TXNL1: variants seen among roughly 807,000 people sequenced by gnomAD.
TXNL1 encodes the protein thioredoxin like 1.
Under a neutral mutation model 35.5 loss-of-function variants are expected in TXNL1, and 14 were observed. The observed-to-expected ratio is 0.39, with a 90% confidence interval of 0.26 to 0.62. The LOEUF (loss-of-function observed/expected upper bound fraction) is 0.62, where lower values mean the gene tolerates loss of function less well. Among genes scored for constraint, TXNL1 ranks in the 20% least tolerant of loss-of-function variants. The probability of loss-of-function intolerance (pLI) is 0.47; values close to 1 mark genes in which losing one functional copy is unlikely to be tolerated. For synonymous variants in TXNL1, 110 were observed against 115.5 expected (o/e 0.95, Z 0.31); for missense variants, 263 against 349.7 (o/e 0.75, Z 1.98).
chr18:56,624,251 T>C (rs557796839), intron 3 of TXNL1, 37 bp downstream of exon 3: 4 of 1,590,642 alleles, frequency 2.5e-6, no homozygotes, highest in African/African-American at 1.3e-5. Context: ...ATGTACAAGA[T>C]ATTATACATT....
chr18:56,604,124 G>T (rs1241435107), intron 7 of TXNL1, among the ~76,000 whole-genome samples: 1 of 152,064 alleles, frequency 6.6e-6, no homozygotes, highest in Non-Finnish European at 1.5e-5. Flanking sequence ...TACCTTAAAA[G>T]AACTCCCCTT....
intron 7 of TXNL1, chr18:56,610,572 A>T (rs1218556802): frequency 6.5e-6 from 1 of 152,696 alleles, no homozygotes; most frequent in Non-Finnish European, 1.5e-5. Context: ...AACTCAGTCC[A>T]TTTTTTTTAA....
intron 2 of TXNL1, among the ~76,000 whole-genome samples, chr18:56,625,844 A>G (rs1256536291): frequency 6.6e-6 from 1 of 152,160 alleles, no homozygotes; most frequent in Non-Finnish European, 1.5e-5. Context: ...ACATTTCTGC[A>G]TATACAAATA....
intron 3 of TXNL1, among the ~76,000 whole-genome samples, chr18:56,621,920 C>T (rs1298182204): frequency 6.7e-6 from 1 of 149,328 alleles, no homozygotes; most frequent in Non-Finnish European, 1.5e-5. Flanking sequence ...CTGCTTCAAA[C>T]GAGCGGCAGG....
At chr18:56,633,303 C>A (rs957283411) in intron 1 of TXNL1, among the ~76,000 whole-genome samples, 1 of 151,488 alleles carries the variant, frequency 6.6e-6, no homozygotes, top group African/African-American at 2.4e-5. Flanking sequence ...AAAAATTAGC[C>A]GGGCGTGGTG....
At chr18:56,612,121 C>A (rs1175417690) in intron 6 of TXNL1, among the ~76,000 whole-genome samples, 1 of 151,142 alleles carries the variant, frequency 6.6e-6, no homozygotes, top group Non-Finnish European at 1.5e-5. Context: ...CCTGCCTCAG[C>A]CTCCCAAAGT....
Position 56,614,492 on chromosome 18 carries a change from CCT to C in TXNL1, c.665_666del (p.Glu222GlyfsTer2), listed in dbSNP as rs761262822. On this transcript the variant is annotated frameshift_variant, in exon 6 of 8. Transcript: ENST00000217515. LOFTEE classifies it high-confidence loss of function. ...ACAATGCCATCTTCTTTAATATCAT[CCT>C]CTGTCAGTTCCAGAGCTTGAGTTGG... The part of the protein sequence containing the change: ...SEPTQALELT[E>X]DDIKEDGIVP... The C allele has an allele frequency of 6.2e-7, 1 of 1,613,956 alleles. No individual in the cohort carries two copies. The highest frequency in any genetic ancestry group is 8.5e-7 in the Non-Finnish European group (1 of 1,179,936).
chr18:56,603,174 G>A, intron 7 of TXNL1, 118 bp from the exon 8 acceptor site: 1 of 884,676 alleles, frequency 1.1e-6, no homozygotes, highest in Non-Finnish European at 1.7e-6. Context: ...GATCTTTTCT[G>A]GCATGCAATG....
intron 1 of TXNL1, among the ~76,000 whole-genome samples, chr18:56,637,431 C>T (rs1336542368): frequency 3.3e-5 from 5 of 152,146 alleles, no homozygotes; most frequent in South Asian, 2.1e-4. Flanking sequence ...TAAATACTAT[C>T]GACATACACA....
intron 3 of TXNL1, among the ~76,000 whole-genome samples, chr18:56,622,010 C>CA (rs373833617): frequency 0.13 from 9,503 of 72,754 alleles, 446 homozygotes; most frequent in African/African-American, 0.17. Context: ...AACTCCATCT[C>CA]AAAAAAAAAA....
chr18:56,628,188 C>A (rs2024316899), intron 1 of TXNL1, among the ~76,000 whole-genome samples: 1 of 152,036 alleles, frequency 6.6e-6, no homozygotes, highest in Admixed American at 6.6e-5. Flanking sequence ...AGATTAAAAC[C>A]AACTCAGCAA....
chr18:56,632,632 CCAGA>C (rs1160514909), intron 1 of TXNL1, among the ~76,000 whole-genome samples: 1 of 152,150 alleles, frequency 6.6e-6, no homozygotes, highest in East Asian at 1.9e-4. Context: ...TGAAAGGTAG[CCAGA>C]CAAACTACAT....
intron 3 of TXNL1, among the ~76,000 whole-genome samples, chr18:56,623,708 T>C (rs1185478290): frequency 6.6e-6 from 1 of 152,176 alleles, no homozygotes; most frequent in East Asian, 1.9e-4. Flanking sequence ...CTTAAGTCTT[T>C]ATGTTGTTAT....
At chr18:56,621,404 G>A (rs2024182183) in intron 3 of TXNL1, among the ~76,000 whole-genome samples, 1 of 151,900 alleles carries the variant, frequency 6.6e-6, no homozygotes, top group Admixed American at 6.5e-5. Flanking sequence ...ATGTTGGCCA[G>A]GCTGGTCTTG....
At chr18:56,629,315 T>C (rs1441376512) in intron 1 of TXNL1, among the ~76,000 whole-genome samples, 1 of 151,974 alleles carries the variant, frequency 6.6e-6, no homozygotes, top group Non-Finnish European at 1.5e-5. Context: ...ATCACTTGAG[T>C]CCAGGAGTTC....
chr18:56,637,373 C>T (rs2024472211), intron 1 of TXNL1, among the ~76,000 whole-genome samples: 1 of 152,124 alleles, frequency 6.6e-6, no homozygotes, highest in African/African-American at 2.4e-5. Flanking sequence ...GTATAAATAA[C>T]GCCAAGGGGT....
chr18:56,626,513 C>G (rs1018192593), intron 1 of TXNL1, 56 bp from the exon 2 acceptor site: 2 of 1,414,670 alleles, frequency 1.4e-6, no homozygotes, highest in Non-Finnish European at 2.0e-6. Context: ...TTCTAAAGCA[C>G]TCGTCAATTA....
chr18:56,622,788 C>T (rs1258224210), intron 3 of TXNL1, among the ~76,000 whole-genome samples: 1 of 152,086 alleles, frequency 6.6e-6, no homozygotes, highest in Non-Finnish European at 1.5e-5. Context: ...AAGATATAAA[C>T]ACAATGGTTT....
chr18:56,619,683 T>C (rs907097222), intron 3 of TXNL1, among the ~76,000 whole-genome samples: 1 of 151,502 alleles, frequency 6.6e-6, no homozygotes, highest in Non-Finnish European at 1.5e-5. Context: ...CATCTCTGTA[T>C]ACTTTATTCT....
Sources: allele counts gnomAD v4.1 joint callset (sites outside exome capture counted in the v4.1 genomes callset), GRCh38; gene constraint gnomAD v4.1.1; transcripts MANE v1.5; gene names NCBI Gene and HGNC (gene_info 2026-07-23, HGNC 2026-07-21).